The following GSK3B variants were observed in gnomAD, a reference collection of about 807,000 sequenced individuals.
GSK3B encodes glycogen synthase kinase-3 beta.
In GSK3B, 15 loss-of-function variants were observed where a neutral mutation model predicts 56.4. The observed-to-expected ratio is 0.27, with a 90% CI of 0.18 to 0.41. GSK3B has a LOEUF of 0.41. Ranked by LOEUF, GSK3B falls within the 10% of genes least tolerant of loss-of-function variation. The probability of loss-of-function intolerance (pLI) is 1.00; values close to 1 mark genes in which losing one functional copy is unlikely to be tolerated. For missense variants in GSK3B, 300 were observed against 513.4 expected (o/e 0.58, Z 4.02); for synonymous variants, 181 against 188.9 (o/e 0.96, Z 0.34).
intron 1 of GSK3B, among the ~76,000 whole-genome samples, chr3:120,020,811 C>T (rs1401557517): frequency 6.6e-6 from 1 of 152,168 alleles, no homozygotes; most frequent in Non-Finnish European, 1.5e-5. Context: ...TTGTGCCAAA[C>T]AGCCAAGTTA....
At chr3:119,866,795 GC>G (rs1162829527) in intron 8 of GSK3B, among the ~76,000 whole-genome samples, 2 of 152,122 alleles carry the variant, frequency 1.3e-5, no homozygotes, top group African/African-American at 2.4e-5. Flanking sequence ...CTTCACAGTA[GC>G]AAGTCCAAGT....
chr3:119,827,288 C>T (rs9837710), intron 10 of GSK3B, among the ~76,000 whole-genome samples: 2,781 of 152,170 alleles, frequency 0.018, 93 homozygotes, highest in African/African-American at 0.064. Flanking sequence ...ATGAAAGTAA[C>T]GTGGGTCAGT....
At chr3:119,923,342 T>C (rs1005790106) in intron 4 of GSK3B, 31 bp downstream of exon 4, 6 of 1,188,654 alleles carry the variant, frequency 5.0e-6, no homozygotes, top group Non-Finnish European at 7.5e-6. Flanking sequence ...AAATGTTTTC[T>C]AAAATGGAAA....
rs2057654870 is a variant in GSK3B at position 119,999,451 on chromosome 3, A to G, written c.282+2595T>C. Among the ~76,000 whole-genome samples the G allele has an allele frequency of 2.0e-5, 3 of 152,358 alleles. No individual in the cohort carries two copies. The Middle Eastern group carries it at 0.01, about 518-fold the overall frequency. On this transcript the variant is annotated intron_variant, in intron 2 of 10. Coordinates refer to ENST00000264235, the MANE Select transcript of GSK3B (RefSeq NM_001146156.2). Reference sequence around the variant, plus strand: ...AGGTTTCCTTATCCAAATAATAACAATATCAATCACACAGTACTAATGGTA... The same window carrying G: ...AGGTTTCCTTATCCAAATAATAACAGTATCAATCACACAGTACTAATGGTA...
chr3:119,837,378 G>T (rs2055707692), intron 10 of GSK3B, among the ~76,000 whole-genome samples: 1 of 151,066 alleles, frequency 6.6e-6, no homozygotes, highest in South Asian at 2.1e-4. Flanking sequence ...TGTTGGCCAG[G>T]ATGGTCTCGA....
At chr3:119,858,959 C>G (rs1424181465) in intron 9 of GSK3B, among the ~76,000 whole-genome samples, 1 of 151,900 alleles carries the variant, frequency 6.6e-6, no homozygotes, top group Non-Finnish European at 1.5e-5. Context: ...TACAAACTTC[C>G]AAAACAATCA....
chr3:119,866,588 A>G, intron 8 of GSK3B: 2 of 1,598,876 alleles, frequency 1.3e-6, no homozygotes, highest in Non-Finnish European at 1.7e-6. Context: ...TTAAGTACAT[A>G]CCCGCACTCC....
intron 1 of GSK3B, among the ~76,000 whole-genome samples, chr3:120,031,488 G>C (rs184765281): frequency 1.3e-5 from 2 of 152,334 alleles, no homozygotes; most frequent in Admixed American, 1.3e-4. Context: ...TCATTCTCAA[G>C]TCCTTGGGTA....
intron 2 of GSK3B, among the ~76,000 whole-genome samples, chr3:119,996,326 T>C (rs2057617538): frequency 6.6e-6 from 1 of 152,214 alleles, no homozygotes; most frequent in African/African-American, 2.4e-5. Context: ...AGATCTACTA[T>C]TTTGTTACCT....
At chr3:119,901,128 T>C (rs1053440025) in intron 7 of GSK3B, among the ~76,000 whole-genome samples, 2 of 152,190 alleles carry the variant, frequency 1.3e-5, no homozygotes, top group Admixed American at 6.5e-5. Flanking sequence ...ACATTACATT[T>C]GGCAAAATTC....
At chr3:120,019,087 A>C (rs1156585351) in intron 1 of GSK3B, among the ~76,000 whole-genome samples, 1 of 152,206 alleles carries the variant, frequency 6.6e-6, no homozygotes, top group East Asian at 1.9e-4. Context: ...CTCTCATCAC[A>C]TAATAGTTTT....
In GSK3B at chr3:119,826,860, A is replaced by G. The variant is rs756091422; in HGVS notation, c.1196-5T>C. 3 of 1,588,982 alleles carry G rather than the reference A, an allele frequency of 1.9e-6. No individual in the cohort carries two copies. The highest frequency in any genetic ancestry group is 1.3e-5 in the African/African-American group (1 of 74,410). Reference sequence around the variant, plus strand: ...CACGGTCTCCAGTATTAGCATCTGCAAGTCAAAAAGTCCCAAGAGAGAGCA... The same window carrying G: ...CACGGTCTCCAGTATTAGCATCTGCGAGTCAAAAAGTCCCAAGAGAGAGCA... On this transcript the variant is annotated splice_polypyrimidine_tract_variant and splice_region_variant and intron_variant, in intron 10 of 10. Coordinates refer to ENST00000264235, the MANE Select transcript of GSK3B (RefSeq NM_001146156.2).
At chr3:120,029,948 C>T (rs897873522) in intron 1 of GSK3B, 2 of 525,268 alleles carry the variant, frequency 3.8e-6, no homozygotes, top group Non-Finnish European at 7.7e-6. Context: ...AGAGTGACCA[C>T]AGCTATGCTC....
intron 10 of GSK3B, among the ~76,000 whole-genome samples, chr3:119,833,688 TTG>T (rs1211188599): frequency 6.9e-6 from 1 of 144,052 alleles, no homozygotes; most frequent in African/African-American, 2.7e-5. Flanking sequence ...AAACATTAGG[TTG>T]TTTTTTTTTT....
Position 119,898,777 on chromosome 3 carries a change from T to C in GSK3B, c.813+6978A>G, listed in dbSNP as rs564856908. Among the ~76,000 whole-genome samples the C allele has an allele frequency of 7.2e-5, 11 of 152,332 alleles. No homozygotes were observed. The East Asian group carries it at 2.1e-3, about 29-fold the overall frequency. ...ATACGTAGTACCAAACTATATACTA[T>C]GTTTTTCCTATACATACATACCTAT... On this transcript the variant is annotated intron_variant, in intron 7 of 10. Coordinates refer to ENST00000264235, the MANE Select transcript of GSK3B (RefSeq NM_001146156.2).
intron 1 of GSK3B, among the ~76,000 whole-genome samples, chr3:120,065,832 A>C (rs2058273990): frequency 6.6e-6 from 1 of 152,192 alleles, no homozygotes; most frequent in Admixed American, 6.5e-5. Flanking sequence ...ACATTATTCT[A>C]AGTGGAAAAA....
intron 2 of GSK3B, among the ~76,000 whole-genome samples, chr3:119,977,902 A>G (rs1057402444): frequency 6.6e-6 from 1 of 152,230 alleles, no homozygotes; most frequent in Non-Finnish European, 1.5e-5. Flanking sequence ...CATTTGATTC[A>G]CAAAACACTG....
intron 10 of GSK3B, among the ~76,000 whole-genome samples, chr3:119,829,526 C>A (rs1257684052): frequency 1.3e-5 from 2 of 152,232 alleles, no homozygotes; most frequent in Admixed American, 1.3e-4. Context: ...CTGGCCACGG[C>A]AGCCATTAAC....
chr3:119,847,217 C>T (rs1559806113), intron 9 of GSK3B, among the ~76,000 whole-genome samples: 1 of 152,002 alleles, frequency 6.6e-6, no homozygotes, highest in Non-Finnish European at 1.5e-5. Context: ...CAGCAAACCA[C>T]TATGGCACAT....
Sources: allele counts gnomAD v4.1 joint callset (sites outside exome capture counted in the v4.1 genomes callset), GRCh38; gene constraint gnomAD v4.1.1; transcripts MANE v1.5; gene names NCBI Gene and HGNC (gene_info 2026-07-23, HGNC 2026-07-21).